Variants in ST6GALNAC5 observed in about 807,000 individuals in gnomAD.
The protein encoded by ST6GALNAC5 is ST6 N-acetylgalactosaminide alpha-2,6-sialyltransferase 5.
ST6GALNAC5 carries 27 observed loss-of-function variants against 33.6 expected under a neutral mutation model. The ratio of observed to expected loss-of-function variants is 0.80; its 90% confidence interval spans 0.59 to 1.11. The LOEUF is 1.11. ST6GALNAC5 is among the 50% of genes least tolerant of loss of function. The pLI, the probability that ST6GALNAC5 is intolerant of heterozygous loss-of-function variation, is 0.00. For synonymous variants in ST6GALNAC5, 194 were observed against 171.2 expected (o/e 1.13, Z -1.04); for missense variants, 428 against 454.0 (o/e 0.94, Z 0.52).
chr1:76,943,589 A>G (rs1021980282), intron 2 of ST6GALNAC5, among the ~76,000 whole-genome samples: 8 of 152,084 alleles, frequency 5.3e-5, no homozygotes, highest in African/African-American at 1.9e-4. Context: ...CAAGCCTCCC[A>G]TCTCCTGAAG....
At chr1:76,891,194 T>G (rs889761077) in intron 2 of ST6GALNAC5, among the ~76,000 whole-genome samples, 1 of 152,110 alleles carries the variant, frequency 6.6e-6, no homozygotes, top group African/African-American at 2.4e-5. Context: ...CATTTTACAG[T>G]CCCACCAGTA....
intron 2 of ST6GALNAC5, among the ~76,000 whole-genome samples, chr1:77,035,987 C>G (rs1342740893): frequency 6.6e-6 from 1 of 151,786 alleles, no homozygotes; most frequent in Non-Finnish European, 1.5e-5. Context: ...TCACAATAAC[C>G]AAAAAATGGA....
rs181369962 is a variant in ST6GALNAC5 at position 77,011,022 on chromosome 1, T to C, written c.262-33182T>C. On this transcript the variant is annotated intron_variant, in intron 2 of 4. Coordinates refer to ENST00000477717, the MANE Select transcript of ST6GALNAC5 (RefSeq NM_030965.3). ...TGACTAAAACCGTTGATCCTTTTCC[T>C]TGAAGTCTGAGGTTCTGCTGTTGGC... Among the ~76,000 whole-genome samples, 78 of 152,326 alleles carry C rather than the reference T, an allele frequency of 5.1e-4. 1 individual carries two copies. In the East Asian group the frequency reaches 0.014, roughly 27 times the overall value.
At chr1:76,901,796 T>C (rs529795539) in intron 2 of ST6GALNAC5, among the ~76,000 whole-genome samples, 1 of 152,354 alleles carries the variant, frequency 6.6e-6, no homozygotes, top group African/African-American at 2.4e-5. Context: ...TTTTGCTTTT[T>C]CACTTTATTT....
At position 77,002,155 on chromosome 1, in the gene ST6GALNAC5, T is replaced by C. The variant is rs560279124; in HGVS notation, c.262-42049T>C. On this transcript the variant is annotated intron_variant, in intron 2 of 4. Coordinates refer to ENST00000477717, the MANE Select transcript of ST6GALNAC5 (RefSeq NM_030965.3). ...TTGGTTGGTAAACTATTGATTATTGTCACAATTTCAGTTCCTGTTATTGGT... is the reference window on the plus strand; with the variant it reads ...TTGGTTGGTAAACTATTGATTATTGCCACAATTTCAGTTCCTGTTATTGGT... Among the ~76,000 whole-genome samples the C allele has an allele frequency of 4.1e-3, 625 of 152,250 alleles. 5 individuals carry two copies. The highest frequency in any genetic ancestry group is 0.014 in the African/African-American group (582 of 41,554).
intron 4 of ST6GALNAC5, among the ~76,000 whole-genome samples, chr1:77,058,015 T>C (rs1466250533): frequency 1.3e-5 from 2 of 152,174 alleles, no homozygotes; most frequent in Admixed American, 6.5e-5. Context: ...GGCTCCTCTG[T>C]AGCAAGAGCT....
chr1:76,872,068 AACACACACACACACACACACACACACAC>A (rs66721550), intron 2 of ST6GALNAC5, among the ~76,000 whole-genome samples: 1 of 130,224 alleles, frequency 7.7e-6, no homozygotes, highest in South Asian at 2.7e-4. Flanking sequence ...TAACCAAGCT[AACACACACACACACACACACACACACAC>A]ACACACACAC....
intron 2 of ST6GALNAC5, among the ~76,000 whole-genome samples, chr1:76,941,044 G>A (rs977765576): frequency 1.3e-5 from 2 of 151,940 alleles, no homozygotes; most frequent in African/African-American, 4.8e-5. Context: ...TTAAATTGCT[G>A]GGCACAGCTC....
chr1:76,882,619 G>C (rs1489454204), intron 2 of ST6GALNAC5, among the ~76,000 whole-genome samples: 1 of 152,180 alleles, frequency 6.6e-6, no homozygotes, highest in Admixed American at 6.5e-5. Flanking sequence ...AAACTGCACA[G>C]AGTCTGAGTA....
At chr1:77,018,380 G>C (rs1272546361) in intron 2 of ST6GALNAC5, among the ~76,000 whole-genome samples, 3 of 152,218 alleles carry the variant, frequency 2.0e-5, no homozygotes, top group African/African-American at 7.2e-5. Context: ...ACGAGGCACT[G>C]TGCCAGGTAC....
At chr1:77,048,603 A>G (rs762147416) in intron 3 of ST6GALNAC5, among the ~76,000 whole-genome samples, 1 of 152,200 alleles carries the variant, frequency 6.6e-6, no homozygotes, top group Non-Finnish European at 1.5e-5. Flanking sequence ...TCTGAATTTC[A>G]TAATTCCTGC....
At chr1:76,924,997 T>C (rs1647070995) in intron 2 of ST6GALNAC5, among the ~76,000 whole-genome samples, 1 of 152,072 alleles carries the variant, frequency 6.6e-6, no homozygotes, top group African/African-American at 2.4e-5. Context: ...ACAGGAAGCA[T>C]GGCACTGGCA....
intron 2 of ST6GALNAC5, among the ~76,000 whole-genome samples, chr1:76,942,124 T>C (rs972865210): frequency 6.6e-6 from 1 of 152,108 alleles, no homozygotes; most frequent in African/African-American, 2.4e-5. Context: ...TATTGTTTGT[T>C]TGCTTGTTTT....
rs576592536 is a variant in ST6GALNAC5, at chr1:76,874,807, C to T, written c.261+6065C>T. Among the ~76,000 whole-genome samples the T allele has an allele frequency of 1.4e-4, 21 of 152,258 alleles. 1 individual carries two copies. In the South Asian group the frequency reaches 3.9e-3, roughly 29 times the overall value. Reference sequence around the variant, plus strand: ...ATCCTTCAATCCAATCAAGTTGACACTCAGTATTAACCATCGCAAGTCCAC... The same window carrying T: ...ATCCTTCAATCCAATCAAGTTGACATTCAGTATTAACCATCGCAAGTCCAC... On this transcript the variant is annotated intron_variant, in intron 2 of 4. Coordinates refer to ENST00000477717, the MANE Select transcript of ST6GALNAC5 (RefSeq NM_030965.3).
intron 2 of ST6GALNAC5, among the ~76,000 whole-genome samples, chr1:76,939,140 G>T (rs1206185151): frequency 6.6e-6 from 1 of 152,000 alleles, no homozygotes; most frequent in East Asian, 1.9e-4. Context: ...CAACTCTAAT[G>T]GGATGGATTG....
At chr1:76,885,277 T>C (rs1653867448) in intron 2 of ST6GALNAC5, among the ~76,000 whole-genome samples, 2 of 152,176 alleles carry the variant, frequency 1.3e-5, no homozygotes, top group Non-Finnish European at 1.5e-5. Flanking sequence ...ATGCTAGTTT[T>C]GAAAATGAAA....
intron 2 of ST6GALNAC5, among the ~76,000 whole-genome samples, chr1:77,005,148 C>T (rs1479035388): frequency 6.6e-6 from 1 of 152,214 alleles, no homozygotes; most frequent in Admixed American, 6.5e-5. Flanking sequence ...AGCGAGACTC[C>T]GTGGGGTAGT....
chr1:76,893,978 A>G (rs1416242775), intron 2 of ST6GALNAC5, among the ~76,000 whole-genome samples: 1 of 152,174 alleles, frequency 6.6e-6, no homozygotes, highest in East Asian at 1.9e-4. Flanking sequence ...CGCTCTTGAT[A>G]TTCAGGTTTT....
intron 2 of ST6GALNAC5, among the ~76,000 whole-genome samples, chr1:76,970,535 C>T (rs1175824906): frequency 2.0e-5 from 3 of 151,974 alleles, no homozygotes; most frequent in Non-Finnish European, 4.4e-5. Context: ...TGAACAAAGC[C>T]TCCAAGAAAT....
Sources: allele counts gnomAD v4.1 joint callset (sites outside exome capture counted in the v4.1 genomes callset), GRCh38; gene constraint gnomAD v4.1.1; transcripts MANE v1.5; gene names NCBI Gene and HGNC (gene_info 2026-07-23, HGNC 2026-07-21).